TACC2: variants seen among roughly 807,000 people sequenced by gnomAD.
The protein encoded by TACC2 is transforming acidic coiled-coil containing protein 2, also known as transforming acidic coiled-coil-containing protein 2.
A neutral mutation model predicts 227.3 loss-of-function variants in TACC2; 137 were observed. The ratio of observed to expected loss-of-function variants is 0.60; its 90% confidence interval spans 0.52 to 0.69. TACC2 has a LOEUF of 0.69. Ranked by LOEUF, TACC2 falls within the 30% of genes least tolerant of loss-of-function variation. The probability of loss-of-function intolerance (pLI) is 0.00; values close to 1 mark genes in which losing one functional copy is unlikely to be tolerated. For missense variants in TACC2, 3,470 were observed against 3,694.4 expected, an observed-to-expected ratio of 0.94 and a Z score of 1.57; for synonymous variants, 1,523 against 1,487.5, an observed-to-expected ratio of 1.02 and a Z score of -0.55.
At chr10:122,008,264 A>ATTTTTTTTT (rs71022877) in intron 1 of TACC2, among the ~76,000 whole-genome samples, 80 of 134,652 alleles carry the variant, frequency 5.9e-4, no homozygotes, top group African/African-American at 1.1e-3. Flanking sequence ...TATTATTATT[A>ATTTTTTTTT]TTTTTTTTTT....
chr10:122,115,282 GTGTGTGTGTGTGTGTGTGTGTGT>G (rs2084452989), intron 5 of TACC2, among the ~76,000 whole-genome samples: 1 of 12,274 alleles, frequency 8.1e-5, no homozygotes, highest in Admixed American at 1.3e-3. Flanking sequence ...GTGTGTGTGT[GTGTGTGTGTGTGTGTGTGTGTGT>G]GTGTGTGTGT....
chr10:122,040,593 A>G (rs1015852052), intron 2 of TACC2, among the ~76,000 whole-genome samples: 1 of 152,116 alleles, frequency 6.6e-6, no homozygotes, highest in African/African-American at 2.4e-5. Flanking sequence ...CCGCTTGGCC[A>G]TGGGGCTGTC....
chr10:122,215,431 C>T lies in TACC2; in HGVS notation c.7324C>T (p.Leu2442Phe). Residue 2442 changes from leucine (L) to phenylalanine (F), a missense_variant, in exon 10 of 23, where the codon CTC (leucine) becomes TTC (phenylalanine). Leu to Phe is a conservative substitution (Grantham distance 22). Coordinates refer to ENST00000369005, the MANE Select transcript of TACC2 (RefSeq NM_206862.4). ...RVKKSPKRSP[L>F]SDPPSQDPTP... The stretch of plus-strand genomic sequence containing the variant: ...GAAAAAGTCGCCAAAACGGTCTCCT[C>T]TCTCTGATCCACCTTCCCAGGTACA... 6.2e-7 allele frequency: 1 copy of T among 1,613,960 alleles called. No individual in the cohort carries two copies. Among genetic ancestry groups the T allele is most frequent in the Non-Finnish European group, 8.5e-7 (1 of 1,179,918 alleles).
intron 6 of TACC2, among the ~76,000 whole-genome samples, chr10:122,135,357 G>A (rs2089396292): frequency 6.6e-6 from 1 of 152,224 alleles, no homozygotes; most frequent in Admixed American, 6.5e-5. Flanking sequence ...ACCACAGAAT[G>A]CAGGAGGGGA....
At chr10:122,225,157 G>A (rs985784941) in intron 12 of TACC2, among the ~76,000 whole-genome samples, 2 of 152,058 alleles carry the variant, frequency 1.3e-5, no homozygotes, top group Non-Finnish European at 2.9e-5. Flanking sequence ...ATTTTCTCTG[G>A]GCAATAAGCC....
At chr10:122,027,819 C>G (rs1215514336) in intron 2 of TACC2, among the ~76,000 whole-genome samples, 1 of 151,384 alleles carries the variant, frequency 6.6e-6, no homozygotes, top group African/African-American at 2.4e-5. Flanking sequence ...TCTCGGCTCA[C>G]TGCAAGCTCC....
At chr10:122,126,617 C>A (rs995748291) in intron 5 of TACC2, 2 of 152,066 alleles carry the variant, frequency 1.3e-5, no homozygotes, top group Non-Finnish European at 2.9e-5. Flanking sequence ...ATACTGGATA[C>A]TATTCTTTGT....
chr10:122,241,478 A>C (rs968311120), intron 18 of TACC2, among the ~76,000 whole-genome samples: 1 of 151,970 alleles, frequency 6.6e-6, no homozygotes, highest in Non-Finnish European at 1.5e-5. Flanking sequence ...TTTTGTAGGG[A>C]TGGTGTTTCA....
intron 6 of TACC2, among the ~76,000 whole-genome samples, chr10:122,137,781 G>A (rs977151953): frequency 6.6e-6 from 1 of 152,182 alleles, no homozygotes; most frequent in East Asian, 1.9e-4. Context: ...TGCATTTCCA[G>A]TCCTTGGAGA....
At position 122,237,502 on chromosome 10, in the gene TACC2, C is replaced by T. The variant is rs765459460; in HGVS notation, c.8235C>T (p.Pro2745=). 108 of 1,613,916 alleles carry T rather than the reference C, an allele frequency of 6.7e-5. No homozygotes were observed. Among genetic ancestry groups the T allele is most frequent in the South Asian group, 4.8e-4 (44 of 91,058 alleles). ...CTGCAGGCCTTCTGTTCCAGCAGCC[C>T]GACCTGGACTCTGCCCTCCAGATCG... ...EKPAGLLFQQ[P]DLDSALQIAR... The change falls in exon 17 of 23, where the codon CCC becomes CCT. Residue 2745 remains proline, a synonymous_variant. Transcript: ENST00000369005.
chr10:122,224,353 C>T (rs1385572937), intron 11 of TACC2, among the ~76,000 whole-genome samples: 1 of 152,142 alleles, frequency 6.6e-6, no homozygotes, highest in Non-Finnish European at 1.5e-5. Flanking sequence ...CCACGTGTCT[C>T]ACCTGACAGT....
chr10:122,195,795 A>G (rs1274132962), intron 8 of TACC2, among the ~76,000 whole-genome samples: 1 of 152,190 alleles, frequency 6.6e-6, no homozygotes, highest in Non-Finnish European at 1.5e-5. Context: ...TTACACCAGC[A>G]CAGAGAACCA....
intron 6 of TACC2, among the ~76,000 whole-genome samples, chr10:122,140,521 C>T (rs555470177): frequency 2.0e-5 from 3 of 152,312 alleles, no homozygotes; most frequent in Admixed American, 1.3e-4. Context: ...GCTAGCTTTC[C>T]GCCAGAGGAA....
intron 9 of TACC2, chr10:122,213,504 C>T (rs1345298077): frequency 3.1e-5 from 28 of 915,334 alleles, no homozygotes; most frequent in South Asian, 1.5e-4. Context: ...GGTGGGCCTG[C>T]GAATGATGGG....
At chr10:122,238,810 C>T (rs1216313902) in intron 18 of TACC2, among the ~76,000 whole-genome samples, 1 of 152,126 alleles carries the variant, frequency 6.6e-6, no homozygotes, top group South Asian at 2.1e-4. Flanking sequence ...CTCTCTGCCT[C>T]ACTCTGTTTA....
rs1592516971 is a variant in TACC2 at position 122,141,108 on chromosome 10, C to T, written c.5700-2464C>T. Among the ~76,000 whole-genome samples, 2 of 152,226 alleles carry T rather than the reference C, an allele frequency of 1.3e-5. No homozygotes were observed. Among genetic ancestry groups the T allele is most frequent in the Admixed American group, 1.3e-4 (2 of 15,284 alleles). On this transcript the variant is annotated intron_variant, in intron 6 of 22. Transcript: ENST00000369005. The surrounding 1 kb of genome is among the most constrained non-coding windows in gnomAD (Gnocchi z 4.3). The stretch of plus-strand genomic sequence containing the variant: ...GATGAGGGGCATGGGAATGAGAGAA[C>T]TGGAAGTCAGTGCCAGGGCCTGGCG...
intron 5 of TACC2, among the ~76,000 whole-genome samples, chr10:122,118,440 C>A (rs1464900110): frequency 6.6e-6 from 1 of 152,208 alleles, no homozygotes; most frequent in Non-Finnish European, 1.5e-5. Flanking sequence ...CTCTCTCTGA[C>A]GGCTAACAAC....
chr10:122,113,806 C>G (rs2084106420), intron 5 of TACC2, among the ~76,000 whole-genome samples: 1 of 152,218 alleles, frequency 6.6e-6, no homozygotes, highest in Non-Finnish European at 1.5e-5. Context: ...GGGGATCCGG[C>G]GCAACACGTG....
At chr10:122,045,545 G>C (rs935606787) in intron 2 of TACC2, among the ~76,000 whole-genome samples, 1 of 152,216 alleles carries the variant, frequency 6.6e-6, no homozygotes, top group Non-Finnish European at 1.5e-5. Context: ...CACACAGAAA[G>C]TGTTCCTAAT....
Sources: allele counts gnomAD v4.1 joint callset (sites outside exome capture counted in the v4.1 genomes callset), GRCh38; gene constraint gnomAD v4.1.1; non-coding constraint Gnocchi (gnomAD v3.1); transcripts MANE v1.5; gene names NCBI Gene and HGNC (gene_info 2026-07-23, HGNC 2026-07-21).